Variants in TRAF3IP1 observed in about 807,000 individuals in gnomAD.
TRAF3IP1 encodes the protein intraflagellar transport 54.
In TRAF3IP1, 53 loss-of-function variants were observed where a neutral mutation model predicts 89.9. The ratio of observed to expected loss-of-function variants is 0.59; its 90% CI spans 0.47 to 0.74. The LOEUF (loss-of-function observed/expected upper bound fraction) is 0.74. Ranked by LOEUF, TRAF3IP1 falls within the 30% of genes least tolerant of loss-of-function variation. The pLI is 0.00. For missense variants in TRAF3IP1, 806 were observed against 866.1 expected, an observed-to-expected ratio of 0.93 and a Z score of 0.87; for synonymous variants, 311 against 322.1, an observed-to-expected ratio of 0.97 and a Z score of 0.37.
At chr2:238,349,045 AT>A (rs1167379598) in intron 11 of TRAF3IP1, among the ~76,000 whole-genome samples, 197 bp downstream of exon 11, 2 of 152,048 alleles carry the variant, frequency 1.3e-5, no homozygotes, top group Admixed American at 6.6e-5. Flanking sequence ...TATTTTGGAG[AT>A]TTAGGGGAAT....
intron 1 of TRAF3IP1, among the ~76,000 whole-genome samples, chr2:238,324,607 C>CT (rs1295824584): frequency 6.6e-6 from 1 of 151,800 alleles, no homozygotes; most frequent in African/African-American, 2.4e-5. Flanking sequence ...CTTTCATTTT[C>CT]TTTTTTTCTT....
intron 15 of TRAF3IP1, among the ~76,000 whole-genome samples, chr2:238,388,102 G>A (rs752871271): frequency 2.6e-4 from 39 of 151,816 alleles, no homozygotes; most frequent in Non-Finnish European, 4.1e-4. Context: ...AGTCGGGTCC[G>A]GTGGCTTATG....
chr2:238,333,518 G>A (rs1414741709), intron 6 of TRAF3IP1, among the ~76,000 whole-genome samples: 1 of 152,198 alleles, frequency 6.6e-6, no homozygotes, highest in African/African-American at 2.4e-5. Context: ...GAGGTGGTGA[G>A]ACTGGAACTG....
intron 5 of TRAF3IP1, 121 bp from the exon 6 acceptor site, chr2:238,332,703 G>T (rs1698187415): frequency 2.8e-6 from 2 of 719,330 alleles, no homozygotes; most frequent in Non-Finnish European, 4.7e-6. Context: ...CTGGCGATGT[G>T]GTGTTCTCAT....
intron 15 of TRAF3IP1, among the ~76,000 whole-genome samples, chr2:238,395,333 T>A (rs1701163909): frequency 2.0e-5 from 3 of 152,164 alleles, no homozygotes; most frequent in African/African-American, 7.2e-5. Context: ...TAGCCATATG[T>A]AGAAAGCTGA....
At chr2:238,396,270 G>C (rs934722670) in intron 15 of TRAF3IP1, among the ~76,000 whole-genome samples, 30 of 151,120 alleles carry the variant, frequency 2.0e-4, no homozygotes, top group African/African-American at 7.3e-4. Context: ...TCAGCAAACT[G>C]TCGCAAGGAC....
At chr2:238,376,407 A>G (rs935992305) in intron 15 of TRAF3IP1, among the ~76,000 whole-genome samples, 3 of 152,168 alleles carry the variant, frequency 2.0e-5, no homozygotes, top group African/African-American at 7.2e-5. Context: ...CTGTAGCTTC[A>G]GAACAAGGCC....
rs1418606445 is a variant in TRAF3IP1, at chr2:238,329,114, G to A, written c.687G>A (p.Glu229=). The A allele has an allele frequency of 2.6e-6, 4 of 1,550,762 alleles. No individual in the cohort carries two copies. Among genetic ancestry groups the A allele is most frequent in the African/African-American group, 1.4e-5 (1 of 72,814 alleles). ...RAKARARPDN[E]RQKDRGNRER... is the part of the protein sequence containing the mutation. ...AAGCCCGGGCCAGGCCAGACAACGA[G>A]CGACAGAAAGACAGAGGCAACAGGG... Residue 229 remains glutamate, a synonymous_variant, in exon 5 of 17, where the codon GAG becomes GAA. Transcript: ENST00000373327.
chr2:238,372,363 G>A (rs548173106), intron 15 of TRAF3IP1, among the ~76,000 whole-genome samples: 15 of 152,148 alleles, frequency 9.9e-5, no homozygotes, highest in African/African-American at 3.6e-4. Flanking sequence ...TCCCACTTAT[G>A]AGTGAGAACA....
chr2:238,334,014 C>A lies in TRAF3IP1; in HGVS notation c.1042C>A (p.Arg348=). 11 of 1,610,480 alleles carry A rather than the reference C, an allele frequency of 6.8e-6. No individual in the cohort carries two copies. Among genetic ancestry groups the A allele is most frequent in the Non-Finnish European group, 9.3e-6 (11 of 1,178,288 alleles). The change falls in exon 7 of 17, where the codon CGA becomes AGA. Residue 348 remains arginine, a synonymous_variant. Coordinates refer to ENST00000373327, the MANE Select transcript of TRAF3IP1 (RefSeq NM_015650.4). ...ATTGACAACAAAAACATCAAAACGG[C>A]GATCCAAAAATTCAGTGGAAGGTAC... The part of the protein sequence containing the change: ...KSLTTKTSKR[R]SKNSVEGRKE...
Position 238,325,835 on chromosome 2 carries a change from A to G in TRAF3IP1, c.219A>G (p.Leu73=). ...ATAAAGATGCAAAAATTAGCTTCCT[A>G]CAAAAGGCCATAGACGTGGTTGTAA... ...VKDKDAKISF[L]QKAIDVVVMV... is the part of the protein sequence containing the mutation. Residue 73 remains leucine (L), a synonymous_variant, in exon 3 of 17, where the codon CTA becomes CTG. Transcript: ENST00000373327. 1 of 1,612,664 alleles carries G rather than the reference A, an allele frequency of 6.2e-7. No homozygotes were observed. The highest frequency in any genetic ancestry group is 1.3e-5 in the African/African-American group (1 of 75,014).
rs1444617428 is a variant in TRAF3IP1 at position 238,348,687 on chromosome 2, G to A, written c.1283-77G>A. ...TTGATTGCAAATAACTGCAAATACAGATGCAAATAGTATTTTCAAATAGTT... is the reference window on the plus strand; with the variant it reads ...TTGATTGCAAATAACTGCAAATACAAATGCAAATAGTATTTTCAAATAGTT... On this transcript the variant is annotated intron_variant, in intron 10 of 16. Coordinates refer to ENST00000373327, the MANE Select transcript of TRAF3IP1 (RefSeq NM_015650.4). 6 of 1,252,834 alleles carry A rather than the reference G, an allele frequency of 4.8e-6. No individual in the cohort carries two copies. The African/African-American group carries it at 7.4e-5, about 15-fold the overall frequency. 77.6% of individuals were successfully genotyped at this position (1,252,834 alleles called of 1,614,324 possible).
At chr2:238,334,661 A>G (rs1171182090) in intron 7 of TRAF3IP1, among the ~76,000 whole-genome samples, 1 of 152,200 alleles carries the variant, frequency 6.6e-6, no homozygotes. Context: ...CTTTTCCTAA[A>G]GTGTGTAAGT....
intron 7 of TRAF3IP1, among the ~76,000 whole-genome samples, chr2:238,337,849 G>A (rs1292484201): frequency 6.6e-6 from 1 of 152,146 alleles, no homozygotes; most frequent in Non-Finnish European, 1.5e-5. Flanking sequence ...GATGGCTATG[G>A]ACCAACCAAG....
intron 15 of TRAF3IP1, among the ~76,000 whole-genome samples, chr2:238,367,113 G>A (rs1426799864): frequency 1.7e-5 from 2 of 121,024 alleles, no homozygotes; most frequent in African/African-American, 6.4e-5. Context: ...GCAGTGAGCC[G>A]AGATCGCACC....
At position 238,333,580 on chromosome 2, in the gene TRAF3IP1, T is replaced by A. The variant is rs558763877; in HGVS notation, c.988-380T>A. ...GCTGTTTCCTTTGATTTGTGTTCTGTTTAAATATATGTAAATTTTTACCTT... is the reference window on the plus strand; with the variant it reads ...GCTGTTTCCTTTGATTTGTGTTCTGATTAAATATATGTAAATTTTTACCTT... On this transcript the variant is annotated intron_variant, in intron 6 of 16. Transcript: ENST00000373327. Among the ~76,000 whole-genome samples, 3 of 152,310 alleles carry A rather than the reference T, an allele frequency of 2.0e-5. No individual in the cohort carries two copies. In the South Asian group the frequency reaches 6.2e-4, roughly 32 times the overall value.
chr2:238,387,976 T>A (rs1275632209), intron 15 of TRAF3IP1, among the ~76,000 whole-genome samples: 1 of 152,124 alleles, frequency 6.6e-6, no homozygotes, highest in African/African-American at 2.4e-5. Context: ...TCCCAGCTAC[T>A]TGGGAGGCTG....
chr2:238,382,571 T>G (rs79404442), intron 15 of TRAF3IP1, among the ~76,000 whole-genome samples: 267 of 151,940 alleles, frequency 1.8e-3, no homozygotes, highest in African/African-American at 6.2e-3. Flanking sequence ...ATGAGGGACA[T>G]GTGGATGTCT....
chr2:238,329,106 G>C lies in TRAF3IP1; in HGVS notation c.679G>C (p.Asp227His). The C allele has an allele frequency of 1.3e-6, 2 of 1,550,524 alleles. No homozygotes were observed. The highest frequency in any genetic ancestry group is 1.7e-6 in the Non-Finnish European group (2 of 1,146,782). ...RERAKARARP[D>H]NERQKDRGNR... ...GAGAGCCAAAGCCCGGGCCAGGCCA[G>C]ACAACGAGCGACAGAAAGACAGAGG... is the stretch of plus-strand genomic sequence containing the variant. Residue 227 changes from aspartate (D) to histidine (H), a missense_variant, in exon 5 of 17, where the codon GAC becomes CAC. By Grantham distance (81) the Asp-to-His change is moderately conservative. This residue lies in a region of TRAF3IP1 where 732 missense variants were observed against 780.5 expected (regional missense o/e 0.94). Transcript: ENST00000373327.
Sources: allele counts gnomAD v4.1 joint callset (sites outside exome capture counted in the v4.1 genomes callset), GRCh38; gene constraint gnomAD v4.1.1; regional missense constraint gnomAD v4.1.1; transcripts MANE v1.5; gene names NCBI Gene and HGNC (gene_info 2026-07-23, HGNC 2026-07-21).